CDH12: variants seen among roughly 807,000 people sequenced by gnomAD.
CDH12 encodes cadherin-12.
A neutral mutation model predicts 74.1 loss-of-function variants in CDH12; 41 were observed. That is an observed-to-expected ratio of 0.55 (90% CI 0.43 to 0.72). CDH12 has a LOEUF of 0.72. Ranked by LOEUF, CDH12 falls within the 30% of genes least tolerant of loss-of-function variation. CDH12 has a pLI of 0.00. For synonymous variants in CDH12, 399 were observed against 355.0 expected, an observed-to-expected ratio of 1.12 and a Z score of -1.39; for missense variants, 945 against 977.2, an observed-to-expected ratio of 0.97 and a Z score of 0.44.
intron 4 of CDH12, among the ~76,000 whole-genome samples, chr5:22,107,385 G>A (rs1744522318): frequency 1.3e-5 from 2 of 151,232 alleles, no homozygotes; most frequent in Admixed American, 1.3e-4. Flanking sequence ...GTCCGTCTTG[G>A]CCTCCCAAAG....
chr5:22,158,439 A>G (rs1297865077), intron 4 of CDH12, among the ~76,000 whole-genome samples: 4 of 152,066 alleles, frequency 2.6e-5, no homozygotes, highest in Admixed American at 2.0e-4. Flanking sequence ...ATTAGTCCCC[A>G]GAAAACCACT....
intron 1 of CDH12, among the ~76,000 whole-genome samples, chr5:22,525,740 A>C (rs1169428345): frequency 6.6e-6 from 1 of 152,064 alleles, no homozygotes; most frequent in Admixed American, 6.6e-5. Flanking sequence ...ACTTGTGGGT[A>C]CTGGGTAGGA....
intron 3 of CDH12, among the ~76,000 whole-genome samples, chr5:22,288,787 G>A (rs1442625509): frequency 6.6e-6 from 1 of 151,900 alleles, no homozygotes; most frequent in Non-Finnish European, 1.5e-5. Flanking sequence ...CATAATGTCT[G>A]GTATTAATAG....
chr5:22,541,506 C>G (rs979376171), intron 1 of CDH12, among the ~76,000 whole-genome samples: 2 of 152,290 alleles, frequency 1.3e-5, no homozygotes, highest in Middle Eastern at 3.4e-3. Flanking sequence ...GGTACACACT[C>G]ACTTAGGGAC....
intron 6 of CDH12, chr5:21,883,016 A>G (rs926793774): frequency 2.2e-5 from 35 of 1,608,004 alleles, no homozygotes; most frequent in Non-Finnish European, 2.9e-5. Flanking sequence ...AAATCAGGAG[A>G]GGTGTGATGT....
At chr5:22,621,938 A>G (rs2126841507) in intron 1 of CDH12, among the ~76,000 whole-genome samples, 1 of 152,266 alleles carries the variant, frequency 6.6e-6, no homozygotes, top group South Asian at 2.1e-4. Context: ...TGTTTAAATA[A>G]TCTGTCTTAC....
intron 1 of CDH12, among the ~76,000 whole-genome samples, chr5:22,668,466 C>T (rs899333693): frequency 6.6e-6 from 1 of 152,058 alleles, no homozygotes. Flanking sequence ...ATTTATTTCT[C>T]ATAATTATGG....
chr5:22,265,856 T>C (rs776217212), intron 3 of CDH12, among the ~76,000 whole-genome samples: 1 of 151,988 alleles, frequency 6.6e-6, no homozygotes, highest in Admixed American at 6.6e-5. Context: ...ATAAAATACA[T>C]TCAAACACAG....
chr5:22,830,695 C>T (rs1354520151), intron 1 of CDH12, among the ~76,000 whole-genome samples: 1 of 151,318 alleles, frequency 6.6e-6, no homozygotes, highest in Non-Finnish European at 1.5e-5. Context: ...TTCAAATTGC[C>T]TTTAGAATTG....
Position 22,316,626 on chromosome 5 carries a change from T to C in CDH12, c.-333+88631A>G, listed in dbSNP as rs191424931. 1.5e-3 allele frequency among the ~76,000 whole-genome samples: 233 copies of C among 152,260 alleles called. 1 individual carries two copies. The highest frequency in any genetic ancestry group is 5.3e-3 in the African/African-American group (220 of 41,560). ...CTAATCTGTAAATATACCTCATGTTTTGAGATTCCAAAATTGTATCTATAC... is the reference window on the plus strand; with the variant it reads ...CTAATCTGTAAATATACCTCATGTTCTGAGATTCCAAAATTGTATCTATAC... On this transcript the variant is annotated intron_variant, in intron 3 of 14. Transcript: ENST00000382254.
chr5:22,790,134 T>C (rs1475906848), intron 1 of CDH12, among the ~76,000 whole-genome samples: 1 of 152,126 alleles, frequency 6.6e-6, no homozygotes, highest in East Asian at 1.9e-4. Context: ...CAAATAATTC[T>C]AAAACTGTTG....
At chr5:22,471,464 T>A (rs908027715) in intron 2 of CDH12, among the ~76,000 whole-genome samples, 1 of 152,196 alleles carries the variant, frequency 6.6e-6, no homozygotes, top group Non-Finnish European at 1.5e-5. Context: ...ATTGTAAATA[T>A]AAAAATATTT....
intron 1 of CDH12, among the ~76,000 whole-genome samples, chr5:22,624,412 GA>G (rs1233178137): frequency 2.0e-5 from 3 of 152,056 alleles, no homozygotes; most frequent in Non-Finnish European, 4.4e-5. Flanking sequence ...CTACTCATCT[GA>G]CAAAGGGCTA....
chr5:22,423,376 G>C (rs982678834), intron 2 of CDH12, among the ~76,000 whole-genome samples: 2 of 152,128 alleles, frequency 1.3e-5, no homozygotes, highest in African/African-American at 4.8e-5. Flanking sequence ...GCCACTCTGA[G>C]AGATCAGAAC....
At chr5:22,687,559 C>T (rs150234214) in intron 1 of CDH12, among the ~76,000 whole-genome samples, 254 of 152,136 alleles carry the variant, frequency 1.7e-3, no homozygotes, top group African/African-American at 5.4e-3. Context: ...AGGCACAAGC[C>T]ACCAATGCCC....
intron 7 of CDH12, among the ~76,000 whole-genome samples, chr5:21,843,107 C>A (rs1470652218): frequency 6.6e-6 from 1 of 152,008 alleles, no homozygotes; most frequent in Non-Finnish European, 1.5e-5. Flanking sequence ...GTAAAAGAAC[C>A]AAAACCTCCT....
intron 1 of CDH12, among the ~76,000 whole-genome samples, chr5:22,508,243 A>T (rs962603927): frequency 6.6e-6 from 1 of 152,118 alleles, no homozygotes; most frequent in Non-Finnish European, 1.5e-5. Context: ...ATCTTGCCCA[A>T]ATTCCTATCT....
chr5:21,871,594 G>T (rs982602960), intron 6 of CDH12, among the ~76,000 whole-genome samples: 1 of 152,098 alleles, frequency 6.6e-6, no homozygotes, highest in Non-Finnish European at 1.5e-5. Flanking sequence ...TTAGCTGGGC[G>T]TGGTGGCACA....
intron 4 of CDH12, among the ~76,000 whole-genome samples, chr5:22,135,622 T>C (rs1746419413): frequency 6.6e-6 from 1 of 151,924 alleles, no homozygotes; most frequent in Non-Finnish European, 1.5e-5. Context: ...TCAGACCGAG[T>C]GGTCTTCAGC....
Sources: allele counts gnomAD v4.1 joint callset (sites outside exome capture counted in the v4.1 genomes callset), GRCh38; gene constraint gnomAD v4.1.1; transcripts MANE v1.5; gene names NCBI Gene and HGNC (gene_info 2026-07-23, HGNC 2026-07-21).